The following CHRNA3 variants were observed in gnomAD, a reference collection of about 807,000 sequenced individuals.
CHRNA3 encodes cholinergic receptor nicotinic alpha 3 subunit, also known as neuronal acetylcholine receptor subunit alpha-3.
CHRNA3 carries 34 observed loss-of-function variants against 41.9 expected under a neutral mutation model. The observed-to-expected ratio is 0.81, with a 90% confidence interval of 0.62 to 1.08. The LOEUF (loss-of-function observed/expected upper bound fraction) is 1.08, where lower values mean the gene tolerates loss of function less well. CHRNA3 is among the 50% of genes least tolerant of loss of function. CHRNA3 has a pLI of 0.00. For missense variants in CHRNA3, 542 were observed against 638.3 expected (o/e 0.85, Z 1.63); for synonymous variants, 281 against 265.2 (o/e 1.06, Z -0.58).
intron 3 of CHRNA3, among the ~76,000 whole-genome samples, chr15:78,617,889 C>G (rs2053488995): frequency 6.6e-6 from 1 of 152,168 alleles, no homozygotes; most frequent in Non-Finnish European, 1.5e-5. Context: ...TTCTTGGCCT[C>G]GATCTGAACA....
At chr15:78,608,252 G>C (rs1337395272) in intron 4 of CHRNA3, among the ~76,000 whole-genome samples, 1 of 152,210 alleles carries the variant, frequency 6.6e-6, no homozygotes. Context: ...TCTGAGAACG[G>C]GCAGACTGCC....
intron 4 of CHRNA3, among the ~76,000 whole-genome samples, chr15:78,608,548 CAGAA>C (rs919351241): frequency 2.0e-5 from 3 of 152,206 alleles, no homozygotes; most frequent in African/African-American, 4.8e-5. Flanking sequence ...AACTAACAAA[CAGAA>C]AGCATATCCA....
At chr15:78,618,487 AG>A (rs2053498794) in intron 3 of CHRNA3, 129 bp downstream of exon 3, 2 of 1,006,820 alleles carry the variant, frequency 2.0e-6, no homozygotes, top group African/African-American at 3.2e-5. Flanking sequence ...TATATCTGCC[AG>A]TCAGTGGACC....
At chr15:78,600,171 C>T (rs112272197) in intron 5 of CHRNA3, among the ~76,000 whole-genome samples, 4,946 of 152,216 alleles carry the variant, frequency 0.032, 115 homozygotes, top group Non-Finnish European at 0.049. Context: ...ACTTCCTGAG[C>T]TCCAGTGATC....
chr15:78,600,362 A>C (rs1478832448), intron 5 of CHRNA3, among the ~76,000 whole-genome samples: 1 of 152,184 alleles, frequency 6.6e-6, no homozygotes, highest in African/African-American at 2.4e-5. Context: ...GGCGTGAGCC[A>C]CTGCGCCTAA....
intron 1 of CHRNA3, chr15:78,619,776 G>C (rs1245944903): frequency 6.6e-6 from 1 of 152,238 alleles, no homozygotes; most frequent in East Asian, 1.9e-4. Flanking sequence ...CAGATCTGGG[G>C]GCAGCTTGGG....
At chr15:78,617,973 A>G (rs758739327) in intron 3 of CHRNA3, among the ~76,000 whole-genome samples, 13 of 152,210 alleles carry the variant, frequency 8.5e-5, no homozygotes, top group African/African-American at 2.4e-5. Context: ...GGGGCTGTGC[A>G]CAGTGGCTTC....
chr15:78,604,345 T>C (rs1429667220), intron 4 of CHRNA3, among the ~76,000 whole-genome samples: 3 of 152,116 alleles, frequency 2.0e-5, no homozygotes, highest in Non-Finnish European at 4.4e-5. Context: ...AAACTGACGG[T>C]CAAAGGACAG....
chr15:78,617,896 A>T (rs1196670614), intron 3 of CHRNA3, among the ~76,000 whole-genome samples: 3 of 152,190 alleles, frequency 2.0e-5, no homozygotes, highest in African/African-American at 7.2e-5. Context: ...CCTCGATCTG[A>T]ACAGGAAAAT....
Position 78,618,681 on chromosome 15 carries a change from T to C in CHRNA3, c.223-20A>G. 6.2e-7 allele frequency: 1 copy of C among 1,613,534 alleles called. No homozygotes were observed. Among genetic ancestry groups the C allele is most frequent in the South Asian group, 1.1e-5 (1 of 91,078 alleles). ...TTCATCCTAGAAAGAGGAATTAAAG[T>C]TGACAGGAGAATTACAAAACAAGAC... On this transcript the variant is annotated intron_variant, in intron 2 of 5. Transcript: ENST00000326828.
chr15:78,602,366 G>T, intron 4 of CHRNA3, 102 bp from the exon 5 acceptor site: 1 of 1,296,850 alleles, frequency 7.7e-7, no homozygotes, highest in Non-Finnish European at 1.1e-6. Flanking sequence ...GATTTGGAAG[G>T]CACTGGAAGA....
chr15:78,619,883 A>G (rs1002725560), intron 1 of CHRNA3: 8 of 152,402 alleles, frequency 5.2e-5, no homozygotes, highest in African/African-American at 1.9e-4. Context: ...CCAGGATGAA[A>G]GAAGGGTCCC....
chr15:78,598,868 CTG>C (rs2053153309), intron 5 of CHRNA3, among the ~76,000 whole-genome samples: 1 of 130,938 alleles, frequency 7.6e-6, no homozygotes, highest in Non-Finnish European at 1.6e-5. Flanking sequence ...GAGTCTCACT[CTG>C]TCACCTAGGC....
At chr15:78,599,317 G>C (rs1178426081) in intron 5 of CHRNA3, among the ~76,000 whole-genome samples, 1 of 152,076 alleles carries the variant, frequency 6.6e-6, no homozygotes, top group Non-Finnish European at 1.5e-5. Context: ...AATGATATTG[G>C]CCATTTTCTG....
intron 3 of CHRNA3, among the ~76,000 whole-genome samples, chr15:78,617,660 G>C (rs1308324397): frequency 6.6e-6 from 1 of 152,188 alleles, no homozygotes; most frequent in Non-Finnish European, 1.5e-5. Context: ...CACCAGAGGA[G>C]AGAGGGGTGA....
rs201722837 is a variant in CHRNA3, at chr15:78,596,440, A to T, written c.*164T>A. On this transcript the variant is annotated 3_prime_UTR_variant, in exon 6 of 6. Transcript: ENST00000326828. ...TTTATCGGTAATAAATACTCTTGAC[A>T]TTTTTTTTTTTGCATGATTCCAAGA... is the stretch of plus-strand genomic sequence containing the variant. 1.4e-4 allele frequency: 154 copies of T among 1,126,432 alleles called. No individual in the cohort carries two copies. The highest frequency in any genetic ancestry group is 6.2e-4 in the Admixed American group (15 of 24,342). 69.8% of individuals were successfully genotyped at this position (1,126,432 alleles called of 1,614,324 possible).
At chr15:78,613,015 A>G (rs1210792107) in intron 4 of CHRNA3, among the ~76,000 whole-genome samples, 1 of 152,244 alleles carries the variant, frequency 6.6e-6, no homozygotes, top group Non-Finnish European at 1.5e-5. Context: ...CAAAACCACA[A>G]TGAGATACCA....
At position 78,601,339 on chromosome 15, in the gene CHRNA3, A is replaced by T; in HGVS notation, c.1303T>A (p.Ser435Thr). 1 of 1,614,228 alleles carries T rather than the reference A, an allele frequency of 6.2e-7. No individual in the cohort carries two copies. Among genetic ancestry groups the T allele is most frequent in the Non-Finnish European group, 8.5e-7 (1 of 1,180,034 alleles). The change falls in exon 5 of 6, where the codon TCT becomes ACT. Residue 435 changes from serine (S) to threonine (T), a missense_variant. Ser to Thr is a moderately conservative substitution (Grantham distance 58, BLOSUM62 1). Coordinates refer to ENST00000326828, the MANE Select transcript of CHRNA3 (RefSeq NM_000743.5). ...TCTTTGATTTCTGGTGACAAAGCAG[A>T]GAGGGACAGCACAGCATCAACAGAT... ...SESVDAVLSL[S>T]ALSPEIKEAI...
chr15:78,615,667 A>G (rs538719455), intron 4 of CHRNA3, among the ~76,000 whole-genome samples: 1 of 152,274 alleles, frequency 6.6e-6, no homozygotes, highest in Admixed American at 6.5e-5. Flanking sequence ...TTTTTGGATA[A>G]CGTAATACAT....
Sources: gnomAD v4.1 joint callset for allele counts (sites outside exome capture counted in the v4.1 genomes callset) on GRCh38, gnomAD v4.1.1 for gene constraint, MANE v1.5 for transcripts, NCBI Gene and HGNC (gene_info 2026-07-23, HGNC 2026-07-21) for gene names.